The following PCDH15 variants were observed in gnomAD, a reference collection of about 807,000 sequenced individuals.
The protein encoded by PCDH15 is protocadherin related 15.
Under a neutral mutation model 178.5 loss-of-function variants are expected in PCDH15, and 129 were observed. That is an observed-to-expected ratio of 0.72 (90% CI 0.63 to 0.84). The LOEUF (loss-of-function observed/expected upper bound fraction) is 0.84. Among genes scored for constraint, PCDH15 ranks in the 40% least tolerant of loss-of-function variants. The pLI, the probability that PCDH15 is intolerant of heterozygous loss-of-function variation, is 0.00. For synonymous variants in PCDH15, 800 were observed against 732.0 expected (o/e 1.09, Z -1.50); for missense variants, 2,230 against 2,099.9 (o/e 1.06, Z -1.21).
intron 2 of PCDH15, among the ~76,000 whole-genome samples, chr10:55,398,112 C>G (rs1259159193): frequency 6.6e-6 from 1 of 151,498 alleles, no homozygotes; most frequent in African/African-American, 2.4e-5. Flanking sequence ...TATTTATGCC[C>G]TAACACAAGT....
chr10:53,968,693 C>A (rs111437470), intron 21 of PCDH15, among the ~76,000 whole-genome samples: 6 of 152,312 alleles, frequency 3.9e-5, no homozygotes, highest in African/African-American at 1.4e-4. Flanking sequence ...TGCCATTCTG[C>A]AATGTTTGCT....
chr10:54,593,432 CT>C (rs1174128277), intron 2 of PCDH15, among the ~76,000 whole-genome samples: 1 of 151,986 alleles, frequency 6.6e-6, no homozygotes, highest in East Asian at 1.9e-4. Flanking sequence ...AAGAAAATAC[CT>C]TTTCCCCAGT....
intron 3 of PCDH15, among the ~76,000 whole-genome samples, chr10:54,429,690 CAT>C (rs1211586978): frequency 1.3e-5 from 2 of 152,030 alleles, no homozygotes; most frequent in African/African-American, 4.8e-5. Context: ...TATCTATACT[CAT>C]ATAAGACAAA....
chr10:53,963,062 A>C (rs1204895612), intron 21 of PCDH15, among the ~76,000 whole-genome samples: 5 of 152,226 alleles, frequency 3.3e-5, no homozygotes, highest in Non-Finnish European at 7.3e-5. Context: ...AGAAGAAGTA[A>C]GAACATTACC....
chr10:54,092,172 C>T (rs1342738922), intron 15 of PCDH15, among the ~76,000 whole-genome samples: 1 of 152,146 alleles, frequency 6.6e-6, no homozygotes, highest in Admixed American at 6.6e-5. Flanking sequence ...CATAGCTACA[C>T]TTTGAGGGCT....
At position 55,584,646 on chromosome 10, in the gene PCDH15, A is replaced by G. The variant is rs533717813; in HGVS notation, c.-156+42979T>C. On this transcript the variant is annotated intron_variant, in intron 2 of 5. Coordinates refer to the PCDH15 transcript ENST00000613346. Reference sequence around the variant, plus strand: ...GCACTCCAGCTTGGGTGACAGAGCAAGACTCTGTCTCCAAAAAAAAAAAAA... The same window carrying G: ...GCACTCCAGCTTGGGTGACAGAGCAGGACTCTGTCTCCAAAAAAAAAAAAA... Among the ~76,000 whole-genome samples, 732 of 141,226 alleles carry G rather than the reference A, an allele frequency of 5.2e-3. 3 individuals carry two copies. The highest frequency in any genetic ancestry group is 9.1e-3 in the Non-Finnish European group (595 of 65,664). The allele number at this position is 141,226 out of a possible 152,430, so 92.6% of individuals were successfully genotyped here.
intron 1 of PCDH15, among the ~76,000 whole-genome samples, chr10:54,756,841 G>A (rs182294704): frequency 4.6e-5 from 7 of 152,148 alleles, no homozygotes; most frequent in African/African-American, 7.2e-5. Flanking sequence ...ATAAATTCTC[G>A]GCACTTTAAC....
intron 3 of PCDH15, among the ~76,000 whole-genome samples, chr10:54,420,698 T>C (rs1955142602): frequency 2.0e-5 from 3 of 152,122 alleles, no homozygotes; most frequent in African/African-American, 7.2e-5. Flanking sequence ...GGGAAATAAT[T>C]GCACATTTAT....
chr10:54,131,928 G>A (rs772978927), intron 15 of PCDH15, among the ~76,000 whole-genome samples: 3 of 152,066 alleles, frequency 2.0e-5, no homozygotes, highest in Admixed American at 6.6e-5. Flanking sequence ...GTTAATATTC[G>A]AATGGGATTT....
chr10:55,008,864 G>A (rs1839987667), intron 2 of PCDH15, among the ~76,000 whole-genome samples: 2 of 148,494 alleles, frequency 1.3e-5, no homozygotes. Context: ...GGTTACTGCT[G>A]CCCATTCCTT....
chr10:55,150,305 A>G (rs945829119), intron 2 of PCDH15, among the ~76,000 whole-genome samples: 4 of 152,090 alleles, frequency 2.6e-5, no homozygotes, highest in Non-Finnish European at 5.9e-5. Flanking sequence ...AGATATACAC[A>G]AGATAAATGG....
intron 21 of PCDH15, among the ~76,000 whole-genome samples, chr10:53,962,330 A>G (rs192417617): frequency 8.5e-5 from 13 of 152,230 alleles, no homozygotes; most frequent in African/African-American, 3.1e-4. Flanking sequence ...ATCCCACTTT[A>G]GCCTCCCAAG....
chr10:55,286,848 A>C (rs925607564), intron 1 of PCDH15, among the ~76,000 whole-genome samples: 3 of 152,056 alleles, frequency 2.0e-5, no homozygotes, highest in Middle Eastern at 3.4e-3. Context: ...TTTATTATAT[A>C]TTTCTTTTCA....
intron 1 of PCDH15, among the ~76,000 whole-genome samples, chr10:55,189,270 C>G (rs1216006585): frequency 6.6e-6 from 1 of 151,832 alleles, no homozygotes; most frequent in African/African-American, 2.4e-5. Flanking sequence ...CTGTGCAAAT[C>G]TAAAAAAATT....
At chr10:54,910,801 C>G (rs191232917) in intron 2 of PCDH15, among the ~76,000 whole-genome samples, 192 of 152,188 alleles carry the variant, frequency 1.3e-3, no homozygotes, top group Non-Finnish European at 1.8e-3. Context: ...AATAAATGAA[C>G]AAACAAGTAA....
At chr10:55,066,122 T>C (rs757803506) in intron 2 of PCDH15, among the ~76,000 whole-genome samples, 4 of 151,872 alleles carry the variant, frequency 2.6e-5, no homozygotes, top group Non-Finnish European at 5.9e-5. Context: ...TGTCAGCTTA[T>C]TATATTTTTA....
intron 26 of PCDH15, among the ~76,000 whole-genome samples, chr10:53,888,302 A>ATGTATATG (rs1554845164): frequency 0.017 from 1,200 of 71,246 alleles, 36 homozygotes; most frequent in Non-Finnish European, 0.024. Flanking sequence ...ATATATATAT[A>ATGTATATG]TATATATGTA....
chr10:55,052,160 T>C (rs1841179367), intron 2 of PCDH15, among the ~76,000 whole-genome samples: 1 of 151,334 alleles, frequency 6.6e-6, no homozygotes, highest in Non-Finnish European at 1.5e-5. Context: ...GGATCTCCGC[T>C]CACTGCAAGC....
intron 2 of PCDH15, among the ~76,000 whole-genome samples, chr10:54,990,362 T>C (rs1318279310): frequency 4.6e-5 from 7 of 152,218 alleles, no homozygotes; most frequent in Non-Finnish European, 1.0e-4. Context: ...AATAGATTAC[T>C]GGATTTAGAA....
Sources: allele counts gnomAD v4.1 joint callset (sites outside exome capture counted in the v4.1 genomes callset), GRCh38; gene constraint gnomAD v4.1.1; transcripts MANE v1.5; gene names NCBI Gene and HGNC (gene_info 2026-07-23, HGNC 2026-07-21).